FARP2: variants seen among roughly 807,000 people sequenced by gnomAD.
FARP2 encodes FERM, ARHGEF and pleckstrin domain-containing protein 2.
FARP2 carries 111 observed loss-of-function variants against 130.5 expected under a neutral mutation model. The observed-to-expected ratio is 0.85, with a 90% CI of 0.73 to 1.00. The LOEUF (loss-of-function observed/expected upper bound fraction) is 1.00. FARP2 is among the 50% of genes least tolerant of loss of function. FARP2 has a pLI of 0.00. For synonymous variants in FARP2, 504 were observed against 516.9 expected (o/e 0.98, Z 0.34); for missense variants, 1,385 against 1,346.3 (o/e 1.03, Z -0.45).
intron 9 of FARP2, among the ~76,000 whole-genome samples, chr2:241,433,089 C>G (rs1268003440): frequency 6.6e-6 from 1 of 151,092 alleles, no homozygotes; most frequent in Non-Finnish European, 1.5e-5. Context: ...ATGCCAAACA[C>G]ACATACGAAA....
chr2:241,423,940 G>A (rs945879209), intron 8 of FARP2, among the ~76,000 whole-genome samples: 11 of 152,096 alleles, frequency 7.2e-5, no homozygotes, highest in Non-Finnish European at 2.9e-5. Context: ...CAATACAGGA[G>A]CCCCCAGATT....
At chr2:241,406,287 G>T (rs1424123686) in intron 4 of FARP2, among the ~76,000 whole-genome samples, 3 of 151,802 alleles carry the variant, frequency 2.0e-5, no homozygotes, top group Non-Finnish European at 4.4e-5. Flanking sequence ...CAGCCTGGGC[G>T]ACAGAGAGAG....
chr2:241,364,330 G>A (rs911061756), intron 1 of FARP2, among the ~76,000 whole-genome samples: 1 of 152,182 alleles, frequency 6.6e-6, no homozygotes, highest in Admixed American at 6.5e-5. Flanking sequence ...ACACAGACTT[G>A]AATGAGCCTG....
At chr2:241,463,235 G>T in intron 15 of FARP2, 100 bp from the exon 16 acceptor site, 1 of 1,299,022 alleles carries the variant, frequency 7.7e-7, no homozygotes, top group Non-Finnish European at 1.1e-6. Context: ...GTGACTGGAG[G>T]GTCATCACTG....
intron 1 of FARP2, among the ~76,000 whole-genome samples, chr2:241,368,592 C>T (rs766558507): frequency 2.6e-5 from 4 of 152,046 alleles, no homozygotes; most frequent in African/African-American, 4.8e-5. Flanking sequence ...CGAGGTTAAC[C>T]GACAGTCACA....
intron 13 of FARP2, chr2:241,446,003 C>G (rs1302698906): frequency 6.6e-6 from 1 of 152,162 alleles, no homozygotes; most frequent in East Asian, 1.9e-4. Context: ...TGAAGTCCAC[C>G]ACTAATTATA....
intron 13 of FARP2, chr2:241,444,398 A>T (rs1052443957): frequency 1.3e-5 from 2 of 152,204 alleles, no homozygotes; most frequent in Non-Finnish European, 2.9e-5. Flanking sequence ...TTCATATGGT[A>T]GCTGATGGTT....
intron 12 of FARP2, among the ~76,000 whole-genome samples, chr2:241,437,658 A>ATTTTT (rs1478318608): frequency 3.0e-5 from 4 of 134,346 alleles, no homozygotes; most frequent in Admixed American, 1.9e-4. Context: ...ATATTTATTT[A>ATTTTT]TTTATTTATT....
chr2:241,453,421 G>T (rs534647613), intron 13 of FARP2, among the ~76,000 whole-genome samples: 8 of 151,920 alleles, frequency 5.3e-5, no homozygotes, highest in East Asian at 1.9e-4. Flanking sequence ...AGGAGATCGA[G>T]ACCATCCTGG....
Position 241,462,532 on chromosome 2 carries a change from G to T in FARP2, c.1597G>T (p.Ala533Ser). 3.1e-6 allele frequency: 5 copies of T among 1,613,348 alleles called. No individual in the cohort carries two copies. The highest frequency in any genetic ancestry group is 4.2e-6 in the Non-Finnish European group (5 of 1,179,294). The change falls in exon 15 of 27, where the codon GCA becomes TCA. Residue 533 changes from alanine (A) to serine (S), a missense_variant. Transcript: ENST00000264042. ...TCTCTGCTTCTTTCAGCGCGTGCCTGCAGACGAGGCCTACTTCATAGTCAA... is the reference window on the plus strand; with the variant it reads ...TCTCTGCTTCTTTCAGCGCGTGCCTTCAGACGAGGCCTACTTCATAGTCAA... ...CEEPRHKRVP[A>S]DEAYFIVKEI...
chr2:241,453,523 G>A (rs2063739303), intron 13 of FARP2, among the ~76,000 whole-genome samples: 1 of 151,566 alleles, frequency 6.6e-6, no homozygotes, highest in Non-Finnish European at 1.5e-5. Flanking sequence ...TCGGGAGGCT[G>A]AGGCAGGAGA....
chr2:241,449,174 ATT>A (rs2063584932), intron 13 of FARP2, among the ~76,000 whole-genome samples: 1 of 152,146 alleles, frequency 6.6e-6, no homozygotes, highest in Non-Finnish European at 1.5e-5. Context: ...TTAACAATTC[ATT>A]TGGCCGGGCG....
intron 13 of FARP2, among the ~76,000 whole-genome samples, chr2:241,449,720 C>T (rs546855181): frequency 8.5e-5 from 13 of 152,142 alleles, no homozygotes; most frequent in African/African-American, 2.7e-4. Context: ...CCTGCCAGAC[C>T]GGGCGCAGTG....
Position 241,369,119 on chromosome 2 carries a change from G to T in FARP2, c.-24-3965G>T, listed in dbSNP as rs567581055. On this transcript the variant is annotated intron_variant, in intron 1 of 26. Coordinates refer to ENST00000264042, the MANE Select transcript of FARP2 (RefSeq NM_014808.4). ...CTAAATGAAAATGAGGATGTAAGTC[G>T]CTGCTTGGAAAGTGTGCAAACGTGT... Among the ~76,000 whole-genome samples the T allele has an allele frequency of 1.0e-3, 154 of 152,144 alleles. 1 individual carries two copies. Among genetic ancestry groups the T allele is most frequent in the African/African-American group, 3.5e-3 (147 of 41,438 alleles).
chr2:241,386,690 C>T (rs1489329247), intron 2 of FARP2: 2 of 152,228 alleles, frequency 1.3e-5, no homozygotes, highest in African/African-American at 4.8e-5. Flanking sequence ...TAGCAAGCTC[C>T]TTCTGTGCAG....
At position 241,377,411 on chromosome 2, in the gene FARP2, G is replaced by A. The variant is rs368430554; in HGVS notation, c.183+4121G>A. On this transcript the variant is annotated intron_variant, in intron 2 of 26. Coordinates refer to ENST00000264042, the MANE Select transcript of FARP2 (RefSeq NM_014808.4). Reference sequence around the variant, plus strand: ...CTGCGGACTGCAGTGGCGCAATCTCGGCTCACTGCAAGCTCCGCTTCCTGG... The same window carrying A: ...CTGCGGACTGCAGTGGCGCAATCTCAGCTCACTGCAAGCTCCGCTTCCTGG... Among the ~76,000 whole-genome samples, 27 of 150,092 alleles carry A rather than the reference G, an allele frequency of 1.8e-4. No individual in the cohort carries two copies. The East Asian group carries it at 4.7e-3, about 26-fold the overall frequency.
At chr2:241,364,080 T>A (rs183342376) in intron 1 of FARP2, among the ~76,000 whole-genome samples, 1 of 152,358 alleles carries the variant, frequency 6.6e-6, no homozygotes, top group Admixed American at 6.5e-5. Flanking sequence ...AGGGTACGAA[T>A]CAACTAGCCT....
At chr2:241,395,841 A>G (rs2062017560) in intron 2 of FARP2, 1 of 152,168 alleles carries the variant, frequency 6.6e-6, no homozygotes, top group Admixed American at 6.5e-5. Flanking sequence ...CAGTTGAAGT[A>G]TCAGGAACTA....
At chr2:241,400,929 A>G (rs1182863262) in intron 2 of FARP2, among the ~76,000 whole-genome samples, 1 of 152,192 alleles carries the variant, frequency 6.6e-6, no homozygotes, top group Non-Finnish European at 1.5e-5. Flanking sequence ...CATTCTCCCC[A>G]TCCTGATGGA....
Sources: allele counts gnomAD v4.1 joint callset (sites outside exome capture counted in the v4.1 genomes callset), GRCh38; gene constraint gnomAD v4.1.1; transcripts MANE v1.5; gene names NCBI Gene and HGNC (gene_info 2026-07-23, HGNC 2026-07-21).